Variants in IFITM10 observed in about 807,000 individuals in gnomAD.
IFITM10 encodes interferon-induced transmembrane protein 10.
In IFITM10, 17 loss-of-function variants were observed where a neutral mutation model predicts 19.0. The ratio of observed to expected loss-of-function variants is 0.90; its 90% CI spans 0.61 to 1.34. The LOEUF (loss-of-function observed/expected upper bound fraction) is 1.34, where lower values mean the gene tolerates loss of function less well. Ranked by LOEUF, IFITM10 falls within the 40% of genes most tolerant of loss-of-function variation. The pLI is 0.00. For synonymous variants in IFITM10, 148 were observed against 147.2 expected, an observed-to-expected ratio of 1.01 and a Z score of -0.04; for missense variants, 306 against 319.8, an observed-to-expected ratio of 0.96 and a Z score of 0.33.
chr11:1,737,513 C>T (rs1162463930), intron 2 of IFITM10, among the ~76,000 whole-genome samples: 1 of 152,228 alleles, frequency 6.6e-6, no homozygotes, highest in Non-Finnish European at 1.5e-5. Context: ...CTCCTCATTT[C>T]CTCATCTGTA....
intron 1 of IFITM10, among the ~76,000 whole-genome samples, chr11:1,749,681 C>T (rs531560965): frequency 6.6e-6 from 1 of 151,952 alleles, no homozygotes; most frequent in East Asian, 1.9e-4. Flanking sequence ...CCCAGCAGGC[C>T]CCCTACCTGA....
chr11:1,747,985 G>T lies in IFITM10; in HGVS notation c.219C>A (p.Cys73Ter). Reference sequence around the variant, plus strand: ...CAGGGGGCTTGGACACGCAAGCGAAGCAGCCCTTGGGCGAACCTGCCGGGG... The same window carrying T: ...CAGGGGGCTTGGACACGCAAGCGAATCAGCCCTTGGGCGAACCTGCCGGGG... Reference protein sequence around the residue: ...PRPPAGSPKGCFACVSKPPAL... With the variant: ...PRPPAGSPKG Residue 73 changes from cysteine to a stop codon, truncating the protein, a stop_gained, in exon 2 of 3, where the codon TGC (cysteine) becomes TGA (stop). Coordinates refer to ENST00000340134, the MANE Select transcript of IFITM10 (RefSeq NM_001170820.4). LOFTEE classifies it high-confidence loss of function. 1 of 1,452,072 alleles carries T rather than the reference G, an allele frequency of 6.9e-7. No individual in the cohort carries two copies. 89.9% of individuals were successfully genotyped at this position (1,452,072 alleles called of 1,614,324 possible).
chr11:1,746,709 T>A (rs1845654595), intron 2 of IFITM10: 1 of 398,592 alleles, frequency 2.5e-6, no homozygotes, highest in African/African-American at 2.1e-5. Flanking sequence ...CTGCCCAGCC[T>A]CTTCTCTCCC....
At chr11:1,745,902 T>G (rs1211365268) in intron 2 of IFITM10, 7 of 139,818 alleles carry the variant, frequency 5.0e-5, no homozygotes, top group Middle Eastern at 6.0e-3. Flanking sequence ...CTCAGGTACA[T>G]ACAGACAGTA....
chr11:1,745,410 G>A (rs1167339071), intron 2 of IFITM10: 1 of 152,280 alleles, frequency 6.6e-6, no homozygotes, highest in Non-Finnish European at 1.5e-5. Flanking sequence ...GATTGGTCTG[G>A]GGAGCCACAG....
chr11:1,746,948 G>A lies in IFITM10; in HGVS notation c.537+719C>T, dbSNP rs1590899235. On this transcript the variant is annotated intron_variant, in intron 2 of 2. Coordinates refer to ENST00000340134, the MANE Select transcript of IFITM10 (RefSeq NM_001170820.4). Reference sequence around the variant, plus strand: ...GCACCAGACACATTGACACACGGCTGCCCCTCTCACTGTGAGCCCATCACA... The same window carrying A: ...GCACCAGACACATTGACACACGGCTACCCCTCTCACTGTGAGCCCATCACA... 4.0e-5 allele frequency: 16 copies of A among 397,476 alleles called. No homozygotes were observed. The East Asian group carries it at 5.7e-4, about 14-fold the overall frequency. The allele number at this position is 397,476 out of a possible 1,614,324, so 24.6% of individuals were successfully genotyped here. A position where few individuals can be genotyped will look rare whatever the true frequency, so the allele number is the denominator to read the frequency against.
intron 2 of IFITM10, among the ~76,000 whole-genome samples, chr11:1,739,971 C>T (rs921182094): frequency 2.0e-5 from 3 of 152,072 alleles, no homozygotes; most frequent in African/African-American, 7.2e-5. Context: ...CGTGATATGA[C>T]ATATGTGAAC....
At position 1,741,318 on chromosome 11, in the gene IFITM10, G is replaced by A. The variant is rs551156205; in HGVS notation, c.538-5889C>T. 2.0e-5 allele frequency among the ~76,000 whole-genome samples: 3 copies of A among 151,874 alleles called. No individual in the cohort carries two copies. In the South Asian group the frequency reaches 6.3e-4, roughly 32 times the overall value. ...AAGAGTGGGCCAAGAAGCAGGGAAGGCAAAGGGGCACCAGGGTGCTAGGTG... is the reference window on the plus strand; with the variant it reads ...AAGAGTGGGCCAAGAAGCAGGGAAGACAAAGGGGCACCAGGGTGCTAGGTG... On this transcript the variant is annotated intron_variant, in intron 2 of 2. Coordinates refer to ENST00000340134, the MANE Select transcript of IFITM10 (RefSeq NM_001170820.4).
At chr11:1,748,428 A>T in intron 1 of IFITM10, 1 of 350,162 alleles carries the variant, frequency 2.9e-6, no homozygotes, top group Non-Finnish European at 5.1e-6. Flanking sequence ...TGAGACTGAC[A>T]CTGTTGCAAA....
chr11:1,749,155 C>A (rs890427845), intron 1 of IFITM10: 18 of 951,498 alleles, frequency 1.9e-5, no homozygotes, highest in Middle Eastern at 5.1e-4. Context: ...GCGCGGGGCT[C>A]GGCGGCGGCG....
intron 2 of IFITM10, chr11:1,746,568 T>C: frequency 2.5e-6 from 1 of 398,398 alleles, no homozygotes; most frequent in Non-Finnish European, 4.4e-6. Flanking sequence ...AACGCCGGGG[T>C]TGGCAATCAT....
chr11:1,735,698 T>C (rs138363716), intron 2 of IFITM10, among the ~76,000 whole-genome samples: 9 of 152,164 alleles, frequency 5.9e-5, no homozygotes, highest in Admixed American at 5.9e-4. Flanking sequence ...TTTATATATA[T>C]AGAGAAAAGC....
chr11:1,741,938 C>T (rs1845573958), intron 2 of IFITM10, among the ~76,000 whole-genome samples: 1 of 152,220 alleles, frequency 6.6e-6, no homozygotes, highest in African/African-American at 2.4e-5. Context: ...AAGTTGACAG[C>T]CTGCAACCCA....
chr11:1,741,859 G>A (rs1241566335), intron 2 of IFITM10, among the ~76,000 whole-genome samples: 4 of 152,152 alleles, frequency 2.6e-5, no homozygotes, highest in Non-Finnish European at 5.9e-5. Context: ...TAGGTCATGC[G>A]TGGGATTGGC....
chr11:1,749,140 G>T, intron 1 of IFITM10: 1 of 991,592 alleles, frequency 1.0e-6, no homozygotes, highest in Non-Finnish European at 1.2e-6. Flanking sequence ...GAGGGGGTGG[G>T]GAGCGCGCGG....
In IFITM10 at chr11:1,734,170, G is replaced by C. The variant is rs756759595; in HGVS notation, c.*1110C>G. 6.6e-6 allele frequency: 1 copy of C among 152,326 alleles called. No homozygotes were observed. The highest frequency in any genetic ancestry group is 6.5e-5 in the Admixed American group (1 of 15,282). 9.4% of individuals were successfully genotyped at this position (152,326 alleles called of 1,614,324 possible). ...TCGCCGATGCCCTGCACTTTTCCTA[G>C]TGCACCCTCATCAGCTTGTCTTCAG... On this transcript the variant is annotated 3_prime_UTR_variant, in exon 3 of 3. Coordinates refer to ENST00000340134, the MANE Select transcript of IFITM10 (RefSeq NM_001170820.4).
At chr11:1,739,872 G>T (rs1417461430) in intron 2 of IFITM10, among the ~76,000 whole-genome samples, 1 of 152,198 alleles carries the variant, frequency 6.6e-6, no homozygotes, top group Non-Finnish European at 1.5e-5. Flanking sequence ...AGAGAGAGAA[G>T]GGGAGGACAT....
chr11:1,741,432 G>C (rs535351298), intron 2 of IFITM10, among the ~76,000 whole-genome samples: 1 of 152,130 alleles, frequency 6.6e-6, no homozygotes, highest in African/African-American at 2.4e-5. Flanking sequence ...GTGCTGGGTG[G>C]GTAGAGGAGA....
At position 1,747,930 on chromosome 11, in the gene IFITM10, C is replaced by T. The variant is rs1368836235; in HGVS notation, c.274G>A (p.Glu92Lys). Residue 92 changes from glutamate to lysine, a missense_variant, in exon 2 of 3, where the codon GAG becomes AAG. Physicochemically the swap from Glu to Lys is moderately conservative, Grantham distance 56. Coordinates refer to ENST00000340134, the MANE Select transcript of IFITM10 (RefSeq NM_001170820.4). ...ALQAPAAPAP[E>K]PSASPPMAPT... ...GCCATCGGGGGAGAGGCCGAGGGCT[C>T]AGGGGCAGGGGCCGCCGGAGCCTGC... 6.8e-7 allele frequency: 1 copy of T among 1,478,052 alleles called. No homozygotes were observed. The highest frequency in any genetic ancestry group is 1.4e-5 in the South Asian group (1 of 73,018). The allele number at this position is 1,478,052 out of a possible 1,614,324, so 91.6% of individuals were successfully genotyped here. A position where few individuals can be genotyped will look rare whatever the true frequency, so the allele number is the denominator to read the frequency against.
Sources: gnomAD v4.1 joint callset for allele counts (sites outside exome capture counted in the v4.1 genomes callset) on GRCh38, gnomAD v4.1.1 for gene constraint, MANE v1.5 for transcripts, NCBI Gene and HGNC (gene_info 2026-07-23, HGNC 2026-07-21) for gene names.